ZNF841: variants seen among roughly 807,000 people sequenced by gnomAD.
The protein encoded by ZNF841 is zinc finger protein 841.
In ZNF841, 11 loss-of-function variants were observed where a neutral mutation model predicts 13.0. The observed-to-expected ratio is 0.85, with a 90% CI of 0.53 to 1.40. ZNF841 has a LOEUF of 1.40. Ranked by LOEUF, ZNF841 falls within the 40% of genes most tolerant of loss-of-function variation. ZNF841 has a pLI of 0.00. For missense variants in ZNF841, 1,068 were observed against 1,139.5 expected, an observed-to-expected ratio of 0.94 and a Z score of 0.90; for synonymous variants, 369 against 381.6, an observed-to-expected ratio of 0.97 and a Z score of 0.38.
At chr19:52,062,366 GTTTCCCATATCCC>G (rs1303474551), downstream of ZNF841, among the ~76,000 whole-genome samples, 2 of 152,140 alleles carry the variant, frequency 1.3e-5, no homozygotes, top group Non-Finnish European at 2.9e-5. Flanking sequence ...TACTCCGTAT[GTTTCCCATATCCC>G]AAAGCAACAC....
At chr19:52,061,953 G>C (rs937067131), downstream of ZNF841, among the ~76,000 whole-genome samples, 2 of 152,020 alleles carry the variant, frequency 1.3e-5, no homozygotes, top group African/African-American at 4.8e-5. Context: ...GCAAACACTG[G>C]GGACCCTACT....
At chr19:52,061,459 A>T (rs1272713070), downstream of ZNF841, among the ~76,000 whole-genome samples, 3 of 152,084 alleles carry the variant, frequency 2.0e-5, no homozygotes, top group Non-Finnish European at 4.4e-5. Context: ...ACCAAAACCT[A>T]GCAATCTGTC....
chr19:52,094,513 A>G (rs2088608409), intron 1 of ZNF841, among the ~76,000 whole-genome samples: 2 of 151,690 alleles, frequency 1.3e-5, no homozygotes, highest in African/African-American at 2.4e-5. Context: ...TTTCTCCCCA[A>G]TCTTTCCGAT....
At chr19:52,083,970 C>T (rs1480336981) in intron 4 of ZNF841, among the ~76,000 whole-genome samples, 1 of 151,706 alleles carries the variant, frequency 6.6e-6, no homozygotes, top group South Asian at 2.1e-4. Context: ...TACCACAAAA[C>T]AAATATATAT....
intron 6 of ZNF841, among the ~76,000 whole-genome samples, chr19:52,071,887 C>T (rs73934750): frequency 0.048 from 7,331 of 152,174 alleles, 258 homozygotes; most frequent in African/African-American, 0.095. Flanking sequence ...TTATACTCCA[C>T]AGTCAAAAGA....
chr19:52,090,626 A>AGAAG, intron 2 of ZNF841, among the ~76,000 whole-genome samples: 1 of 96,708 alleles, frequency 1.0e-5, no homozygotes, highest in East Asian at 3.8e-4. Flanking sequence ...AAAGAAAGAA[A>AGAAG]GAAAGAAGGA....
the ZNF841 span, among the ~76,000 whole-genome samples, chr19:52,059,382 T>TAC: frequency 1.8e-5 from 2 of 112,538 alleles, no homozygotes; most frequent in Non-Finnish European, 3.4e-5. Context: ...TATATATATA[T>TAC]ATATATATAC....
Position 52,066,544 on chromosome 19 carries a change from C to T in ZNF841, c.1338G>A (p.Arg446=), listed in dbSNP as rs747591636. ...KVFYQNSQLV[R]HQIIHTGETP... The stretch of plus-strand genomic sequence containing the variant: ...TCTCTCCAGTATGAATTATCTGGTG[C>T]CTTACAAGTTGTGAATTCTGATAAA... Residue 446 remains arginine, a synonymous_variant, in exon 7 of 7, where the codon AGG becomes AGA. Transcript: ENST00000594440. 1 of 1,613,114 alleles carries T rather than the reference C, an allele frequency of 6.2e-7. No individual in the cohort carries two copies. The highest frequency in any genetic ancestry group is 8.5e-7 in the Non-Finnish European group (1 of 1,179,666).
In ZNF841 at chr19:52,064,966, C is replaced by A. The variant is rs1433540059; in HGVS notation, c.*141G>T. Reference sequence around the variant, plus strand: ...CAAGGACAGCAACAAGGGGATGGTACTAAAACTTTCTTGAGAAAGCCACCC... The same window carrying A: ...CAAGGACAGCAACAAGGGGATGGTAATAAAACTTTCTTGAGAAAGCCACCC... On this transcript the variant is annotated 3_prime_UTR_variant, in exon 7 of 7. Coordinates refer to ENST00000594440, the MANE Select transcript of ZNF841 (RefSeq NM_001136499.2). The A allele has an allele frequency of 1.5e-5, 10 of 681,768 alleles. No individual in the cohort carries two copies. The highest frequency in any genetic ancestry group is 2.4e-5 in the Non-Finnish European group (10 of 422,124). The allele number at this position is 681,768 out of a possible 1,614,324, so 42.2% of individuals were successfully genotyped here.
chr19:52,060,462 G>A (rs190179472), downstream of ZNF841, among the ~76,000 whole-genome samples: 82 of 152,278 alleles, frequency 5.4e-4, no homozygotes, highest in African/African-American at 1.1e-3. Flanking sequence ...AACTGCCACC[G>A]CTTGGTTAAG....
At position 52,065,742 on chromosome 19, in the gene ZNF841, A is replaced by G; in HGVS notation, c.2140T>C (p.Cys714Arg). ...GTTTTATGACTAAAAGTTCTACCAC[A>G]TTCACTACATTTGTGTGGTTTCTCC... ...TGEKPHKCSE[C>R]GRTFSHKTSL... The change falls in exon 7 of 7, where the codon TGT (cysteine) becomes CGT (arginine). Residue 714 changes from cysteine (C) to arginine (R), a missense_variant. Coordinates refer to ENST00000594440, the MANE Select transcript of ZNF841 (RefSeq NM_001136499.2). The G allele has an allele frequency of 2.5e-6, 4 of 1,607,350 alleles. No individual in the cohort carries two copies. The highest frequency in any genetic ancestry group is 3.4e-6 in the Non-Finnish European group (4 of 1,176,354).
intron 2 of ZNF841, among the ~76,000 whole-genome samples, chr19:52,093,106 G>A (rs1029084806): frequency 6.6e-6 from 1 of 151,928 alleles, no homozygotes; most frequent in Non-Finnish European, 1.5e-5. Flanking sequence ...ACAGGGTGAG[G>A]CTCTGTCTCA....
chr19:52,064,252 A>T (rs1435898354), downstream of ZNF841, among the ~76,000 whole-genome samples: 11 of 148,880 alleles, frequency 7.4e-5, no homozygotes, highest in African/African-American at 2.7e-4. Context: ...AGGCTGAGGC[A>T]GGAGAATGGC....
intron 4 of ZNF841, among the ~76,000 whole-genome samples, chr19:52,078,689 A>T (rs2123301068): frequency 6.8e-6 from 1 of 147,416 alleles, no homozygotes; most frequent in South Asian, 2.2e-4. Context: ...ACAGAGCAAG[A>T]CTCCATCTCG....
chr19:52,089,411 G>A (rs1029785410), intron 2 of ZNF841, among the ~76,000 whole-genome samples: 1 of 152,132 alleles, frequency 6.6e-6, no homozygotes, highest in African/African-American at 2.4e-5. Flanking sequence ...GGAAGGCCAA[G>A]GTGGGCAGGT....
chr19:52,077,129 T>C (rs1346443653), intron 4 of ZNF841, 45 bp from the exon 5 acceptor site: 1 of 1,548,764 alleles, frequency 6.5e-7, no homozygotes, highest in East Asian at 2.3e-5. Flanking sequence ...GGTGAGCTCT[T>C]ATCTTTACAT....
In ZNF841 at chr19:52,066,143, T is replaced by C. The variant is rs2087551790; in HGVS notation, c.1739A>G (p.Tyr580Cys). 6.2e-7 allele frequency: 1 copy of C among 1,613,872 alleles called. No homozygotes were observed. Among genetic ancestry groups the C allele is most frequent in the Non-Finnish European group, 8.5e-7 (1 of 1,179,946 alleles). ...TTGATGACGTGCTAGGCATGAATAGTAAGTGAAGACCATGCCACATTTATT... is the reference window on the plus strand; with the variant it reads ...TTGATGACGTGCTAGGCATGAATAGCAAGTGAAGACCATGCCACATTTATT... ...HCNKCGMVFT[Y>C]YSCLARHQRM... The change falls in exon 7 of 7, where the codon TAC (tyrosine) becomes TGC (cysteine). Residue 580 changes from tyrosine (Y) to cysteine (C), a missense_variant. Transcript: ENST00000594440.
chr19:52,065,519 G>T lies in ZNF841; in HGVS notation c.2363C>A (p.Thr788Asn). The T allele has an allele frequency of 6.2e-7, 1 of 1,614,110 alleles. No individual in the cohort carries two copies. Among genetic ancestry groups the T allele is most frequent in the Non-Finnish European group, 8.5e-7 (1 of 1,180,020 alleles). Residue 788 changes from threonine (T) to asparagine (N), a missense_variant, in exon 7 of 7, where the codon ACT becomes AAT. Transcript: ENST00000594440. The stretch of plus-strand genomic sequence containing the variant: ...ATTACATTTGTAAGGTTTCTCTCCA[G>T]TATGAATACTCCAATGACGTGCGAG... ...SGLARHWSIH[T>N]GEKPYKCNEC...
chr19:52,066,867 G>A lies in ZNF841; in HGVS notation c.1015C>T (p.His339Tyr), dbSNP rs183914714. The change falls in exon 7 of 7, where the codon CAC (histidine) becomes TAC (tyrosine). Residue 339 changes from histidine (H) to tyrosine (Y), a missense_variant. Transcript: ENST00000594440. ...NSDLVNHRRS[H>Y]TGDKPYICNE... ...CATATGTAGGGTTTGTCTCCAGTGT[G>A]ACTTCTCCGGTGATTTACAAGATCT... 2.8e-5 allele frequency: 45 copies of A among 1,614,162 alleles called. No individual in the cohort carries two copies. Among genetic ancestry groups the A allele is most frequent in the Non-Finnish European group, 3.8e-5 (45 of 1,180,026 alleles).
Sources: allele counts gnomAD v4.1 joint callset (sites outside exome capture counted in the v4.1 genomes callset), GRCh38; gene constraint gnomAD v4.1.1; transcripts MANE v1.5; gene names NCBI Gene and HGNC (gene_info 2026-07-23, HGNC 2026-07-21).